Variants in ANXA7 observed in about 807,000 individuals in gnomAD.
ANXA7 encodes the protein annexin A7, also known as annexin VII.
ANXA7 carries 55 observed loss-of-function variants against 64.9 expected under a neutral mutation model. The ratio of observed to expected loss-of-function variants is 0.85; its 90% CI spans 0.68 to 1.06. The LOEUF is 1.06. ANXA7 is among the 50% of genes least tolerant of loss of function. The pLI, the probability that ANXA7 is intolerant of heterozygous loss-of-function variation, is 0.00. For synonymous variants in ANXA7, 200 were observed against 192.4 expected, an observed-to-expected ratio of 1.04 and a Z score of -0.33; for missense variants, 548 against 582.1, an observed-to-expected ratio of 0.94 and a Z score of 0.60.
chr10:73,383,431 T>C (rs999638767), intron 8 of ANXA7, 86 bp from the exon 9 acceptor site: 15 of 1,391,852 alleles, frequency 1.1e-5, no homozygotes, highest in Non-Finnish European at 1.5e-5. Flanking sequence ...CTTTGTTCTG[T>C]AGAACTAAAA....
intron 7 of ANXA7, among the ~76,000 whole-genome samples, chr10:73,386,021 C>A (rs2132661871): frequency 6.6e-6 from 1 of 152,224 alleles, no homozygotes; most frequent in Middle Eastern, 3.4e-3. Flanking sequence ...TGAGACCACA[C>A]TTGCTAACAT....
In ANXA7 at chr10:73,379,706, G is replaced by A. The variant is rs143970510; in HGVS notation, c.1165+173C>T. 703 of 663,858 alleles carry A rather than the reference G, an allele frequency of 1.1e-3. 1 individual carries two copies. The highest frequency in any genetic ancestry group is 1.7e-3 in the Middle Eastern group (4 of 2,352). The allele number at this position is 663,858 out of a possible 1,614,324, so 41.1% of individuals were successfully genotyped here. A position where few individuals can be genotyped will look rare whatever the true frequency, so the allele number is the denominator to read the frequency against. On this transcript the variant is annotated intron_variant, in intron 11 of 12. Coordinates refer to ENST00000372921, the MANE Select transcript of ANXA7 (RefSeq NM_001156.5). ...ATGTAAAAACACAGGACTGTTTCTGGGGGCTTATCCAATAAAGAAAACAAA... is the reference window on the plus strand; with the variant it reads ...ATGTAAAAACACAGGACTGTTTCTGAGGGCTTATCCAATAAAGAAAACAAA...
Position 73,397,173 on chromosome 10 carries a change from G to T in ANXA7, c.361C>A (p.Pro121Thr). ...GACAGCTGGTACCTACCAGGTAGTG[G>T]AACCTGTGCTGGACCACCTCCATAA... The part of the protein sequence containing the change: ...QSYGGGPAQV[P>T]LPGGFPGGQM... The change falls in exon 4 of 13, where the codon CCA becomes ACA. Residue 121 changes from proline to threonine, a missense_variant. By Grantham distance (38) the Pro-to-Thr change is conservative. Coordinates refer to ENST00000372921, the MANE Select transcript of ANXA7 (RefSeq NM_001156.5). 6.3e-7 allele frequency: 1 copy of T among 1,593,318 alleles called. No individual in the cohort carries two copies. Among genetic ancestry groups the T allele is most frequent in the South Asian group, 1.2e-5 (1 of 86,494 alleles).
chr10:73,394,787 C>A (rs1421148339), intron 5 of ANXA7, among the ~76,000 whole-genome samples: 1 of 152,032 alleles, frequency 6.6e-6, no homozygotes, highest in Non-Finnish European at 1.5e-5. Flanking sequence ...TGCAGCACAC[C>A]AACATGGCAC....
chr10:73,379,180 T>A (rs1471450675), intron 11 of ANXA7, among the ~76,000 whole-genome samples, 157 bp from the exon 12 acceptor site: 1 of 152,030 alleles, frequency 6.6e-6, no homozygotes, highest in Admixed American at 6.6e-5. Context: ...CTCTCCTTGA[T>A]TTTTTTTGAG....
At chr10:73,399,193 T>C (rs1374375574) in intron 2 of ANXA7, among the ~76,000 whole-genome samples, 1 of 152,128 alleles carries the variant, frequency 6.6e-6, no homozygotes, top group East Asian at 1.9e-4. Context: ...CCCAAAACAC[T>C]GCATGAAACA....
intron 1 of ANXA7, among the ~76,000 whole-genome samples, chr10:73,413,601 A>C (rs1360307830): frequency 6.6e-6 from 1 of 152,140 alleles, no homozygotes; most frequent in East Asian, 1.9e-4. Context: ...AAATTTCCCC[A>C]AGTTTCCCTA....
chr10:73,384,383 A>G (rs1476924396), intron 7 of ANXA7, among the ~76,000 whole-genome samples: 3 of 152,100 alleles, frequency 2.0e-5, no homozygotes, highest in Admixed American at 2.0e-4. Context: ...AACCATTATC[A>G]TCTTGTTCTT....
At chr10:73,379,841 T>C in intron 11 of ANXA7, 38 bp downstream of exon 11, 1 of 1,584,242 alleles carries the variant, frequency 6.3e-7, no homozygotes, top group African/African-American at 1.3e-5. Flanking sequence ...TCCCACTCAT[T>C]TAAAAAGAAA....
chr10:73,402,589 T>C (rs976189818), intron 1 of ANXA7, among the ~76,000 whole-genome samples: 1 of 152,206 alleles, frequency 6.6e-6, no homozygotes, highest in Admixed American at 6.5e-5. Context: ...CTTTTGACTT[T>C]TAAGGTTTAA....
At position 73,383,268 on chromosome 10, in the gene ANXA7, T is replaced by A; in HGVS notation, c.825A>T (p.Arg275Ser). 1 of 1,614,126 alleles carries A rather than the reference T, an allele frequency of 6.2e-7. No homozygotes were observed. ...RTNQEIREIVRCYQSEFGRDL... is the reference protein window; with the variant it reads ...RTNQEIREIVSCYQSEFGRDL... Reference sequence around the variant, plus strand: ...CTCGTCCAAATTCTGACTGATAACATCTGACAATTTCTCGGATTTCCTGAT... The same window carrying A: ...CTCGTCCAAATTCTGACTGATAACAACTGACAATTTCTCGGATTTCCTGAT... Residue 275 changes from arginine to serine, a missense_variant, in exon 9 of 13, where the codon AGA becomes AGT. Coordinates refer to ENST00000372921, the MANE Select transcript of ANXA7 (RefSeq NM_001156.5).
intron 5 of ANXA7, among the ~76,000 whole-genome samples, chr10:73,393,607 G>T (rs1181696408): frequency 3.3e-5 from 5 of 152,116 alleles, no homozygotes; most frequent in Non-Finnish European, 5.9e-5. Flanking sequence ...AAGAAATGGG[G>T]AAAGGATTCC....
chr10:73,375,394 A>G lies in ANXA7; in HGVS notation c.*701T>C, dbSNP rs2055154424. 6.6e-6 allele frequency: 1 copy of G among 152,230 alleles called. No individual in the cohort carries two copies. The highest frequency in any genetic ancestry group is 1.5e-5 in the Non-Finnish European group (1 of 68,048). The allele number at this position is 152,230 out of a possible 1,614,324, so 9.4% of individuals were successfully genotyped here. On this transcript the variant is annotated 3_prime_UTR_variant, in exon 13 of 13. Transcript: ENST00000372921. ...TAATTAGCCTGACCTTAATTGTGGAATCATTACACAAGGAATGCTGATATC... is the reference window on the plus strand; with the variant it reads ...TAATTAGCCTGACCTTAATTGTGGAGTCATTACACAAGGAATGCTGATATC...
rs1225342996 is a variant in ANXA7 at position 73,386,495 on chromosome 10, C to T, written c.633+1194G>A. On this transcript the variant is annotated intron_variant, in intron 7 of 12. Transcript: ENST00000372921. ...GCTATGGGACTACAGTATTAAGAAG[C>T]AGCTAAATTCTGTCCAGACTAATGA... 2.6e-5 allele frequency among the ~76,000 whole-genome samples: 4 copies of T among 152,016 alleles called. No individual in the cohort carries two copies. In the East Asian group the frequency reaches 7.7e-4, roughly 29 times the overall value.
intron 9 of ANXA7, among the ~76,000 whole-genome samples, chr10:73,380,680 TTATAA>T (rs1374102212): frequency 6.6e-6 from 1 of 152,192 alleles, no homozygotes; most frequent in Non-Finnish European, 1.5e-5. Flanking sequence ...CAACTGGATT[TTATAA>T]TATAAGATCA....
At chr10:73,391,592 G>A (rs1038338867) in intron 5 of ANXA7, among the ~76,000 whole-genome samples, 3 of 152,126 alleles carry the variant, frequency 2.0e-5, no homozygotes, top group South Asian at 4.1e-4. Flanking sequence ...AGCCTGACCC[G>A]AGCAGCAGAG....
chr10:73,414,012 C>T lies in ANXA7; in HGVS notation c.-2G>A, dbSNP rs1184136459. On this transcript the variant is annotated splice_region_variant and 5_prime_UTR_variant, in exon 1 of 13. Transcript: ENST00000372921. ...AAGGGAGGGGGGCGCCGCTCCTCAC[C>T]TGACCCCAGCAGCAGCGTCACAGCC... The T allele has an allele frequency of 6.6e-6, 1 of 152,504 alleles. No homozygotes were observed. The highest frequency in any genetic ancestry group is 2.4e-5 in the African/African-American group (1 of 41,448). The allele number at this position is 152,504 out of a possible 1,614,324, so 9.4% of individuals were successfully genotyped here. A position where few individuals can be genotyped will look rare whatever the true frequency, so the allele number is the denominator to read the frequency against.
chr10:73,385,237 T>C (rs1367490878), intron 7 of ANXA7, among the ~76,000 whole-genome samples: 1 of 152,256 alleles, frequency 6.6e-6, no homozygotes, highest in Non-Finnish European at 1.5e-5. Context: ...GACTTGATTC[T>C]GTTTGCTGGG....
intron 12 of ANXA7, among the ~76,000 whole-genome samples, chr10:73,377,728 C>G (rs2055197078): frequency 6.7e-6 from 1 of 148,930 alleles, no homozygotes; most frequent in South Asian, 2.2e-4. Context: ...CCTTCCACCT[C>G]AACATTCTGG....
Sources: gnomAD v4.1 joint callset for allele counts (sites outside exome capture counted in the v4.1 genomes callset) on GRCh38, gnomAD v4.1.1 for gene constraint, MANE v1.5 for transcripts, NCBI Gene and HGNC (gene_info 2026-07-23, HGNC 2026-07-21) for gene names.